ZC2HC1B: variants seen among roughly 807,000 people sequenced by gnomAD.
ZC2HC1B encodes zinc finger C2HC-type containing 1B, also known as zinc finger C2HC domain-containing protein 1B.
A neutral mutation model predicts 31.0 loss-of-function variants in ZC2HC1B; 36 were observed. The observed-to-expected ratio is 1.16, with a 90% CI of 0.89 to 1.54. The LOEUF (loss-of-function observed/expected upper bound fraction) is 1.54, where lower values mean the gene tolerates loss of function less well. ZC2HC1B is among the 40% of genes most tolerant of loss of function. The pLI, the probability that ZC2HC1B is intolerant of heterozygous loss-of-function variation, is 0.00. For missense variants in ZC2HC1B, 260 were observed against 268.6 expected (o/e 0.97, Z 0.22); for synonymous variants, 73 against 88.0 (o/e 0.83, Z 0.95).
Position 143,885,557 on chromosome 6 carries a change from G to A in ZC2HC1B, c.91-475G>A, listed in dbSNP as rs1582956265. 6.6e-6 allele frequency among the ~76,000 whole-genome samples: 1 copy of A among 152,150 alleles called. No individual in the cohort carries two copies. The highest frequency in any genetic ancestry group is 1.9e-4 in the East Asian group (1 of 5,194). ...GATTTTTATAGAGCTTGTATTTTGT[G>A]GGGTCTGACAAAGCTACTGTGTCAA... On this transcript the variant is annotated intron_variant, in intron 2 of 7. Transcript: ENST00000237275. This position sits in a 1 kb window ranked among gnomAD's most constrained non-coding sequence, Gnocchi z 4.2.
Position 143,886,869 on chromosome 6 carries a change from C to T in ZC2HC1B, c.349+48C>T, listed in dbSNP as rs776930005. 1.7e-5 allele frequency: 24 copies of T among 1,439,808 alleles called. No homozygotes were observed. The highest frequency in any genetic ancestry group is 2.9e-5 in the Admixed American group (1 of 34,116). 89.2% of individuals were successfully genotyped at this position (1,439,808 alleles called of 1,614,324 possible). Reference sequence around the variant, plus strand: ...TTTTGAGGCTATGCTTGACTTTTGACCAAATCATCATGCCCTCTATGCACT... The same window carrying T: ...TTTTGAGGCTATGCTTGACTTTTGATCAAATCATCATGCCCTCTATGCACT... On this transcript the variant is annotated intron_variant, in intron 4 of 7. Transcript: ENST00000237275. This position sits in a 1 kb window ranked among gnomAD's most constrained non-coding sequence, Gnocchi z 4.2.
rs1778194542 is a variant in ZC2HC1B at position 143,937,684 on chromosome 6, A to G, written c.634A>G (p.Arg212Gly). ...GGACCCTGCTTCTGGAGCAAAACTCAGACAAGGATTTAGTAAATCTTCTAA... is the reference window on the plus strand; with the variant it reads ...GGACCCTGCTTCTGGAGCAAAACTCGGACAAGGATTTAGTAAATCTTCTAA... Reference protein sequence around the residue: ...AMDPASGAKLRQGFSKSSKKD With the variant: ...AMDPASGAKLGQGFSKSSKKD The change falls in exon 7 of 8, where the codon AGA (arginine) becomes GGA (glycine). Residue 212 changes from arginine (R) to glycine (G), a missense_variant. Physicochemically the swap from Arg to Gly is moderately radical, Grantham distance 125 (BLOSUM62 -2). Transcript: ENST00000237275. The G allele has an allele frequency of 1.3e-6, 2 of 1,551,280 alleles. No homozygotes were observed. Among genetic ancestry groups the G allele is most frequent in the African/African-American group, 1.4e-5 (1 of 73,160 alleles).
chr6:143,936,889 A>G (rs576540743), intron 6 of ZC2HC1B, among the ~76,000 whole-genome samples: 1 of 152,292 alleles, frequency 6.6e-6, no homozygotes, highest in South Asian at 2.1e-4. Flanking sequence ...CAGAAGTAAA[A>G]CCAGTTTATG....
chr6:143,901,976 G>A (rs1242060829), intron 5 of ZC2HC1B, among the ~76,000 whole-genome samples: 2 of 152,196 alleles, frequency 1.3e-5, no homozygotes, highest in African/African-American at 4.8e-5. Context: ...GCCAAAGAGA[G>A]CACAGGAAAG....
rs1445835517 is a variant in ZC2HC1B, at chr6:143,895,707, T to G, written c.350-2845T>G. On this transcript the variant is annotated intron_variant, in intron 4 of 7. Transcript: ENST00000237275. This position sits in a 1 kb window ranked among gnomAD's most constrained non-coding sequence, Gnocchi z 4.8. ...AGAATATTTATAATTGTTATTTTTC[T>G]ATGAGGCCTGGGACATTCAGTTACC... 6.6e-6 allele frequency among the ~76,000 whole-genome samples: 1 copy of G among 152,202 alleles called. No individual in the cohort carries two copies. Among genetic ancestry groups the G allele is most frequent in the Non-Finnish European group, 1.5e-5 (1 of 68,038 alleles).
chr6:143,898,366 G>A (rs765616709), intron 4 of ZC2HC1B, among the ~76,000 whole-genome samples, 186 bp from the exon 5 acceptor site: 8 of 152,092 alleles, frequency 5.3e-5, no homozygotes, highest in Non-Finnish European at 1.2e-4. Context: ...TTGCCGTGTT[G>A]CCCAGGCTGG....
chr6:143,921,275 C>T lies in ZC2HC1B; in HGVS notation c.599-16374C>T, dbSNP rs1777984121. 6.6e-6 allele frequency among the ~76,000 whole-genome samples: 1 copy of T among 152,218 alleles called. No individual in the cohort carries two copies. Among genetic ancestry groups the T allele is most frequent in the Admixed American group, 6.5e-5 (1 of 15,290 alleles). On this transcript the variant is annotated intron_variant, in intron 6 of 7. Coordinates refer to ENST00000237275, the MANE Select transcript of ZC2HC1B (RefSeq NM_001013623.3). This position sits in a 1 kb window ranked among gnomAD's most constrained non-coding sequence, Gnocchi z 6.1. ...CCTAATTCCTTTGTAATTATTTCCA[C>T]ATAGCATTTATCACCATCTAATATT...
intron 6 of ZC2HC1B, among the ~76,000 whole-genome samples, chr6:143,916,913 C>A (rs913868457): frequency 3.3e-5 from 5 of 152,112 alleles, no homozygotes; most frequent in Non-Finnish European, 5.9e-5. Context: ...TGCGTTAATG[C>A]TGAAATGAGT....
chr6:143,882,918 T>C (rs1228366961), intron 1 of ZC2HC1B, among the ~76,000 whole-genome samples: 9 of 152,206 alleles, frequency 5.9e-5, no homozygotes, highest in Admixed American at 5.9e-4. Flanking sequence ...AGAATAGTCC[T>C]CAAGCATTCT....
At chr6:143,877,906 G>A (rs1460700321) in intron 1 of ZC2HC1B, among the ~76,000 whole-genome samples, 1 of 150,466 alleles carries the variant, frequency 6.6e-6, no homozygotes, top group Non-Finnish European at 1.5e-5. Flanking sequence ...AGTCCTCTAA[G>A]CCAAGTAGAA....
rs915748191 is a variant in ZC2HC1B at position 143,908,110 on chromosome 6, G to T, written c.598+4958G>T. On this transcript the variant is annotated intron_variant, in intron 6 of 7. Coordinates refer to ENST00000237275, the MANE Select transcript of ZC2HC1B (RefSeq NM_001013623.3). This position sits in a 1 kb window ranked among gnomAD's most constrained non-coding sequence, Gnocchi z 4.4. ...TTTAGGTGTGCAATCTTATTTCTGG[G>T]TTCTCTATTCTGTTCCATTGGTCTC... Among the ~76,000 whole-genome samples the T allele has an allele frequency of 2.0e-5, 3 of 152,108 alleles. No homozygotes were observed. Among genetic ancestry groups the T allele is most frequent in the Non-Finnish European group, 2.9e-5 (2 of 68,002 alleles).
rs575292209 is a variant in ZC2HC1B at position 143,925,754 on chromosome 6, G to A, written c.599-11895G>A. Among the ~76,000 whole-genome samples, 7 of 151,804 alleles carry A rather than the reference G, an allele frequency of 4.6e-5. No homozygotes were observed. The South Asian group carries it at 1.5e-3, about 32-fold the overall frequency. ...GGGTTTCTCCATGTTGGTCAGGCTGGTCTCGAACTCCTGACCTCAGGAAGC... is the reference window on the plus strand; with the variant it reads ...GGGTTTCTCCATGTTGGTCAGGCTGATCTCGAACTCCTGACCTCAGGAAGC... On this transcript the variant is annotated intron_variant, in intron 6 of 7. Transcript: ENST00000237275.
Position 143,916,426 on chromosome 6 carries a change from G to C in ZC2HC1B, c.598+13274G>C, listed in dbSNP as rs544141579. On this transcript the variant is annotated intron_variant, in intron 6 of 7. Coordinates refer to ENST00000237275, the MANE Select transcript of ZC2HC1B (RefSeq NM_001013623.3). ...AATGTGGGGTCAGAGCCCCCACACAGAGTCCCTACTGGGGCACCGTCTAGT... is the reference window on the plus strand; with the variant it reads ...AATGTGGGGTCAGAGCCCCCACACACAGTCCCTACTGGGGCACCGTCTAGT... Among the ~76,000 whole-genome samples the C allele has an allele frequency of 1.1e-3, 169 of 152,346 alleles. 1 individual carries two copies. Among genetic ancestry groups the C allele is most frequent in the Non-Finnish European group, 1.5e-3 (102 of 68,030 alleles).
intron 6 of ZC2HC1B, among the ~76,000 whole-genome samples, chr6:143,932,041 T>G (rs1044212154): frequency 6.6e-6 from 1 of 151,934 alleles, no homozygotes; most frequent in Admixed American, 6.6e-5. Flanking sequence ...ACCCAGCTAA[T>G]TTTTAGTATT....
intron 6 of ZC2HC1B, among the ~76,000 whole-genome samples, chr6:143,928,028 C>G (rs1359252959): frequency 6.6e-6 from 1 of 151,898 alleles, no homozygotes; most frequent in African/African-American, 2.4e-5. Context: ...GATATTAGTC[C>G]CTTGTCAGAT....
chr6:143,896,830 A>G (rs371727000), intron 4 of ZC2HC1B, among the ~76,000 whole-genome samples: 3 of 152,078 alleles, frequency 2.0e-5, no homozygotes, highest in African/African-American at 4.8e-5. Context: ...TCATTTCCCA[A>G]TGCTGTCCTG....
chr6:143,887,608 C>T lies in ZC2HC1B; in HGVS notation c.349+787C>T, dbSNP rs141503736. On this transcript the variant is annotated intron_variant, in intron 4 of 7. Transcript: ENST00000237275. The surrounding 1 kb of genome is among the most constrained non-coding windows in gnomAD (Gnocchi z 5.1). ...TACATATTACCTTTTGTTATCTCTT[C>T]GGTCTTTATTAAATCTTGAACAATA... Among the ~76,000 whole-genome samples, 87 of 152,184 alleles carry T rather than the reference C, an allele frequency of 5.7e-4. 1 individual carries two copies. The highest frequency in any genetic ancestry group is 3.4e-3 in the Middle Eastern group (1 of 292).
At chr6:143,875,221 A>C (rs4379307) in intron 1 of ZC2HC1B, among the ~76,000 whole-genome samples, 57,799 of 151,986 alleles carry the variant, frequency 0.38, 12,333 homozygotes, top group African/African-American at 0.58. Flanking sequence ...AATTACAGGG[A>C]TCTTCAGAGA....
chr6:143,912,654 A>G (rs1325925397), intron 6 of ZC2HC1B, among the ~76,000 whole-genome samples: 1 of 152,148 alleles, frequency 6.6e-6, no homozygotes, highest in East Asian at 1.9e-4. Flanking sequence ...GTACTGACCT[A>G]TTGCTGGCCC....
Sources: allele counts gnomAD v4.1 joint callset (sites outside exome capture counted in the v4.1 genomes callset), GRCh38; gene constraint gnomAD v4.1.1; non-coding constraint Gnocchi (gnomAD v3.1); transcripts MANE v1.5; gene names NCBI Gene and HGNC (gene_info 2026-07-23, HGNC 2026-07-21).